Variants in XBP1 observed in about 807,000 individuals in gnomAD.
XBP1 encodes X-box-binding protein 1.
A neutral mutation model predicts 34.6 loss-of-function variants in XBP1; 18 were observed. That is an observed-to-expected ratio of 0.52 (90% CI 0.36 to 0.77). The LOEUF is 0.77. Ranked by LOEUF, XBP1 falls within the 30% of genes least tolerant of loss-of-function variation. The pLI, the probability that XBP1 is intolerant of heterozygous loss-of-function variation, is 0.00. For missense variants in XBP1, 422 were observed against 464.6 expected, an observed-to-expected ratio of 0.91 and a Z score of 0.84; for synonymous variants, 191 against 193.4, an observed-to-expected ratio of 0.99 and a Z score of 0.11.
At position 28,800,282 on chromosome 22, in the gene XBP1, C is replaced by T. The variant is rs2031854253; in HGVS notation, c.227+16G>A. The T allele has an allele frequency of 6.5e-7, 1 of 1,550,132 alleles. No individual in the cohort carries two copies. Among genetic ancestry groups the T allele is most frequent in the Admixed American group, 1.9e-5 (1 of 51,384 alleles). ...CCGGCTTCAGATCTGGCCCCAGACC[C>T]CGGCCCCTCGCCCACCTCCTCAGCG... On this transcript the variant is annotated intron_variant, in intron 1 of 5. Transcript: ENST00000344347.
At chr22:28,795,016 A>G (rs1227314089), downstream of XBP1, 3 of 588,248 alleles carry the variant, frequency 5.1e-6, no homozygotes, top group South Asian at 4.3e-5. Flanking sequence ...TCAAAAGACA[A>G]TACCTGGGGG....
In XBP1 at chr22:28,797,196, GT is replaced by G; in HGVS notation, c.333del (p.Lys111AsnfsTer4). On this transcript the variant is annotated frameshift_variant, in exon 3 of 6. Coordinates refer to ENST00000344347, the Ensembl canonical transcript of XBP1. LOFTEE classifies it high-confidence loss of function. ...CGTAAAAGCTGATTTTCTAGCAAAA[GT>G]TTTTGGTTCTGGAAGAAAGTTCATA... 1 of 1,612,344 alleles carries G rather than the reference GT, an allele frequency of 6.2e-7. No homozygotes were observed. The highest frequency in any genetic ancestry group is 8.5e-7 in the Non-Finnish European group (1 of 1,179,608).
exon 1 of XBP1, chr22:28,800,407 C>T: frequency 1.3e-6 from 2 of 1,518,164 alleles, no homozygotes. Context: ...TGGGCTGGCA[C>T]CATGAGCGGC....
chr22:28,795,321 A>T, exon 6 of XBP1: 1 of 1,552,016 alleles, frequency 6.4e-7, no homozygotes, highest in Non-Finnish European at 8.7e-7. Context: ...AGGCAGGAAG[A>T]TGGCTTTGGG....
At chr22:28,798,302 CTTT>C (rs71316865) in intron 2 of XBP1, among the ~76,000 whole-genome samples, 1 of 123,362 alleles carries the variant, frequency 8.1e-6, no homozygotes, top group Non-Finnish European at 1.6e-5. Flanking sequence ...CTTAGATTAA[CTTT>C]TTTTTTTTTT....
At chr22:28,794,944 C>T, downstream of XBP1, 1 of 387,590 alleles carries the variant, frequency 2.6e-6, no homozygotes. Flanking sequence ...AGCTGTAGTT[C>T]TCAATTATAG....
chr22:28,796,010 G>C (rs202031808), intron 5 of XBP1, 37 bp downstream of exon 5: 14 of 1,612,166 alleles, frequency 8.7e-6, no homozygotes, highest in Non-Finnish European at 1.2e-5. Flanking sequence ...GAATTAACTG[G>C]TTATATAGCT....
At chr22:28,797,178 G>T in exon 3 of XBP1, 1 of 1,613,138 alleles carries the variant, frequency 6.2e-7, no homozygotes, top group South Asian at 1.1e-5. Flanking sequence ...TCTCGTAAAA[G>T]CTGATTTTCT....
intron 2 of XBP1, among the ~76,000 whole-genome samples, chr22:28,797,788 A>G (rs1229972006): frequency 2.0e-5 from 3 of 150,528 alleles, no homozygotes; most frequent in African/African-American, 7.3e-5. Context: ...ATCTCAAAAT[A>G]ATGATGATGA....
At chr22:28,800,140 T>C in intron 1 of XBP1, 158 bp downstream of exon 1, 1 of 875,728 alleles carries the variant, frequency 1.1e-6, no homozygotes, top group Non-Finnish European at 1.8e-6. Context: ...CCGGGCTTCC[T>C]GCCCCGCCCC....
intron 1 of XBP1, 86 bp downstream of exon 1, chr22:28,800,212 C>CT (rs2031851629): frequency 6.8e-7 from 1 of 1,460,812 alleles, no homozygotes; most frequent in African/African-American, 1.4e-5. Context: ...GCGGCCAGTG[C>CT]TGGGTCCCCG....
intron 1 of XBP1, chr22:28,799,811 A>G: frequency 3.3e-6 from 2 of 600,598 alleles, no homozygotes; most frequent in South Asian, 4.2e-5. Context: ...AATCTCCCCA[A>G]AGACCTCATG....
At chr22:28,797,916 C>T (rs1356882867) in intron 2 of XBP1, among the ~76,000 whole-genome samples, 1 of 151,982 alleles carries the variant, frequency 6.6e-6, no homozygotes, top group Non-Finnish European at 1.5e-5. Flanking sequence ...ATCCCTGCTC[C>T]TGACTCATGA....
In XBP1 at chr22:28,795,778, T is replaced by C. The variant is rs1438334203; in HGVS notation, c.574-46A>G. Reference sequence around the variant, plus strand: ...ATGAAGTACAACTGTCAGAATACAATGGAAAATCTAACTGGAACACTTTGT... The same window carrying C: ...ATGAAGTACAACTGTCAGAATACAACGGAAAATCTAACTGGAACACTTTGT... On this transcript the variant is annotated intron_variant, in intron 5 of 5. Transcript: ENST00000344347. The C allele has an allele frequency of 4.0e-6, 6 of 1,503,494 alleles. No homozygotes were observed. In the African/African-American group the frequency reaches 8.4e-5, roughly 21 times the overall value. 93.1% of individuals were successfully genotyped at this position (1,503,494 alleles called of 1,614,324 possible).
In XBP1 at chr22:28,796,195, G is replaced by A. The variant is rs375060550; in HGVS notation, c.454-3C>T. On this transcript the variant is annotated splice_polypyrimidine_tract_variant and splice_region_variant and intron_variant, in intron 3 of 5. Transcript: ENST00000344347. ...GCCACTGGCCTCACTTCATTCCCCTGGGAGGAAAGACCAAAGTGAATAAAC... is the reference window on the plus strand; with the variant it reads ...GCCACTGGCCTCACTTCATTCCCCTAGGAGGAAAGACCAAAGTGAATAAAC... 5.1e-5 allele frequency: 78 copies of A among 1,540,224 alleles called. No homozygotes were observed. The highest frequency in any genetic ancestry group is 6.6e-5 in the Non-Finnish European group (76 of 1,147,754).
Position 28,797,073 on chromosome 22 carries a change from T to C in XBP1, c.453+4A>G. On this transcript the variant is annotated splice_donor_region_variant and intron_variant, in intron 3 of 5. Coordinates refer to ENST00000344347, the Ensembl canonical transcript of XBP1. ...TGAGGCACCAAATAAAGGAGATGAT[T>C]TACCTTGGCTTCCGCCTCCTCTTCA... 22 of 1,603,706 alleles carry C rather than the reference T, an allele frequency of 1.4e-5. No individual in the cohort carries two copies. Among genetic ancestry groups the C allele is most frequent in the Non-Finnish European group, 1.8e-5 (21 of 1,177,596 alleles).
Position 28,800,429 on chromosome 22 carries a change from G to T in XBP1, c.96C>A (p.Ala32=), listed in dbSNP as rs971554105. ...GCACCATGAGCGGCAGGGCCTGGCC[G>T]GCCGGGGCTCCGGCGGCGGAGGCGG... is the stretch of plus-strand genomic sequence containing the variant. Residue 32 remains alanine, a synonymous_variant, in exon 1 of 6, where the codon GCC becomes GCA. Transcript: ENST00000344347. The T allele has an allele frequency of 6.7e-6, 10 of 1,487,414 alleles. No individual in the cohort carries two copies. In the Admixed American group the frequency reaches 2.2e-4, roughly 33 times the overall value. 92.1% of individuals were successfully genotyped at this position (1,487,414 alleles called of 1,614,324 possible).
At position 28,799,113 on chromosome 22, in the gene XBP1, G is replaced by A. The variant is rs1569205062; in HGVS notation, c.268C>T (p.Arg90Ter). The change falls in exon 2 of 6, where the codon CGA (arginine) becomes TGA (stop). Residue 90 changes from arginine to a stop codon, truncating the protein, a stop_gained. Coordinates refer to ENST00000344347, the Ensembl canonical transcript of XBP1. LOFTEE classifies it high-confidence loss of function. ...AGCTCACTCATTCGAGCCTTCTTTC[G>A]ATCTCTGGCAGTCTGAGCTGCTACT... 1.5e-5 allele frequency: 25 copies of A among 1,614,000 alleles called. No homozygotes were observed. Among genetic ancestry groups the A allele is most frequent in the Non-Finnish European group, 1.9e-5 (23 of 1,179,996 alleles).
At chr22:28,795,335 T>C in exon 6 of XBP1, 1 of 1,551,924 alleles carries the variant, frequency 6.4e-7, no homozygotes, top group East Asian at 2.4e-5. Context: ...CTTTGGGCAG[T>C]GGCTGGATGA....
Sources: gnomAD v4.1 joint callset for allele counts (sites outside exome capture counted in the v4.1 genomes callset) on GRCh38, gnomAD v4.1.1 for gene constraint, MANE v1.5 for transcripts, NCBI Gene and HGNC (gene_info 2026-07-23, HGNC 2026-07-21) for gene names.